Variants in CUBN observed in about 807,000 individuals in gnomAD.
CUBN encodes the protein 460 kDa receptor.
In CUBN, 282 loss-of-function variants were observed where a neutral mutation model predicts 405.3. The observed-to-expected ratio is 0.70, with a 90% CI of 0.63 to 0.77. The LOEUF is 0.77. Ranked by LOEUF, CUBN falls within the 30% of genes least tolerant of loss-of-function variation. CUBN has a pLI of 0.00. For synonymous variants in CUBN, 1,684 were observed against 1,617.0 expected (o/e 1.04, Z -0.99); for missense variants, 4,514 against 4,475.2 (o/e 1.01, Z -0.25).
chr10:16,918,174 A>G (rs1481382451), intron 45 of CUBN, among the ~76,000 whole-genome samples: 1 of 152,146 alleles, frequency 6.6e-6, no homozygotes. Context: ...TACCAGTACC[A>G]TGCTGTTTTG....
intron 22 of CUBN, among the ~76,000 whole-genome samples, chr10:17,048,529 G>A (rs1236059881): frequency 1.3e-5 from 2 of 152,088 alleles, no homozygotes; most frequent in East Asian, 3.9e-4. Context: ...CAAGGCTGGA[G>A]TGGAGTGGCG....
In CUBN at chr10:17,100,240, C is replaced by A; in HGVS notation, c.1531-1G>T. 2 of 1,582,904 alleles carry A rather than the reference C, an allele frequency of 1.3e-6. No homozygotes were observed. Among genetic ancestry groups the A allele is most frequent in the South Asian group, 1.1e-5 (1 of 90,360 alleles). ...AAAAAGTGAAAGTGATACGCAGGAC[C>A]TAAAAATACAAAGGCCACATATATT... On this transcript the variant is annotated splice_acceptor_variant, in intron 13 of 66. Coordinates refer to ENST00000377833, the MANE Select transcript of CUBN (RefSeq NM_001081.4). LOFTEE classifies it high-confidence loss of function.
chr10:16,892,943 C>G (rs1456941175), intron 54 of CUBN, among the ~76,000 whole-genome samples: 1 of 152,160 alleles, frequency 6.6e-6, no homozygotes, highest in Non-Finnish European at 1.5e-5. Flanking sequence ...TTCGACAACT[C>G]TACCTTTTGG....
chr10:16,933,297 A>G lies in CUBN; in HGVS notation c.5927-13T>C, dbSNP rs1842414858. The G allele has an allele frequency of 6.2e-7, 1 of 1,612,364 alleles. No individual in the cohort carries two copies. The highest frequency in any genetic ancestry group is 1.7e-5 in the Admixed American group (1 of 60,002). On this transcript the variant is annotated splice_polypyrimidine_tract_variant and intron_variant, in intron 39 of 66. Coordinates refer to ENST00000377833, the MANE Select transcript of CUBN (RefSeq NM_001081.4). Reference sequence around the variant, plus strand: ...CCACCACAAGCACCTGTAGAATAGAAAGCAACATCTTTGACACAGCCCTAA... The same window carrying G: ...CCACCACAAGCACCTGTAGAATAGAGAGCAACATCTTTGACACAGCCCTAA...
At chr10:16,866,075 T>G (rs1840174695) in intron 59 of CUBN, among the ~76,000 whole-genome samples, 1 of 152,144 alleles carries the variant, frequency 6.6e-6, no homozygotes, top group Non-Finnish European at 1.5e-5. Flanking sequence ...CAGTCTCTCC[T>G]TGGCAACTCA....
chr10:16,983,293 T>C (rs186886579), intron 30 of CUBN, among the ~76,000 whole-genome samples: 9 of 152,278 alleles, frequency 5.9e-5, no homozygotes, highest in Admixed American at 2.6e-4. Flanking sequence ...TGTGTGTTTA[T>C]TTAAATTCCT....
At chr10:16,873,984 C>T (rs753254043) in intron 58 of CUBN, among the ~76,000 whole-genome samples, 19 of 152,112 alleles carry the variant, frequency 1.2e-4, no homozygotes, top group Admixed American at 2.6e-4. Flanking sequence ...GAGACAATTA[C>T]GGCACGTGTG....
chr10:17,024,845 C>G (rs986568206), intron 27 of CUBN, among the ~76,000 whole-genome samples: 1 of 152,172 alleles, frequency 6.6e-6, no homozygotes, highest in Non-Finnish European at 1.5e-5. Flanking sequence ...ACAATTAAAA[C>G]TCAGCCCTTT....
chr10:16,913,762 A>G (rs1405557317), intron 48 of CUBN, 49 bp downstream of exon 48: 1 of 1,607,584 alleles, frequency 6.2e-7, no homozygotes. Context: ...GGGTCGGTAA[A>G]CTCTTTAAAT....
chr10:16,855,034 C>G (rs1341711897), intron 59 of CUBN, among the ~76,000 whole-genome samples: 2 of 136,080 alleles, frequency 1.5e-5, no homozygotes, highest in African/African-American at 2.8e-5. Flanking sequence ...CTCTCTTTCT[C>G]TCTATCTCTC....
At chr10:16,874,224 G>A in intron 58 of CUBN, 150 bp downstream of exon 58, 1 of 854,840 alleles carries the variant, frequency 1.2e-6, no homozygotes, top group South Asian at 1.5e-5. Context: ...CATTTCCCAG[G>A]TTGAACTGTC....
chr10:17,084,587 C>G, intron 16 of CUBN, 126 bp from the exon 17 acceptor site: 2 of 797,698 alleles, frequency 2.5e-6, no homozygotes, highest in African/African-American at 1.7e-5. Flanking sequence ...TTTTATTCAC[C>G]CTCTATAGGC....
intron 38 of CUBN, 35 bp downstream of exon 38, chr10:16,938,928 A>G (rs996764248): frequency 6.4e-7 from 1 of 1,562,000 alleles, no homozygotes; most frequent in Non-Finnish European, 8.8e-7. Context: ...CAATTCACCA[A>G]TATTTATGAA....
chr10:17,111,777 A>G (rs1407436663), intron 8 of CUBN, among the ~76,000 whole-genome samples: 1 of 152,208 alleles, frequency 6.6e-6, no homozygotes, highest in Non-Finnish European at 1.5e-5. Context: ...TACAAAAATC[A>G]GCTGGATGTG....
intron 7 of CUBN, among the ~76,000 whole-genome samples, chr10:17,114,739 G>T (rs1289397404): frequency 6.6e-6 from 1 of 152,166 alleles, no homozygotes; most frequent in Non-Finnish European, 1.5e-5. Context: ...TCATCAGGAC[G>T]CAGGGCATGG....
At chr10:17,105,764 A>C (rs1373854157) in intron 10 of CUBN, among the ~76,000 whole-genome samples, 189 bp from the exon 11 acceptor site, 1 of 152,218 alleles carries the variant, frequency 6.6e-6, no homozygotes, top group African/African-American at 2.4e-5. Flanking sequence ...TTATCTTAAA[A>C]TAAGAAAGCC....
intron 2 of CUBN, among the ~76,000 whole-genome samples, chr10:17,128,557 C>T (rs1008503774): frequency 5.3e-5 from 8 of 152,306 alleles, no homozygotes; most frequent in South Asian, 2.1e-4. Context: ...CCCCTACTTC[C>T]TCGCATCCCC....
chr10:16,939,206 G>T (rs938625295), intron 37 of CUBN, 59 bp from the exon 38 acceptor site: 2 of 1,380,760 alleles, frequency 1.4e-6, no homozygotes, highest in African/African-American at 1.4e-5. Context: ...TTAATCAAAT[G>T]AAAAAAACAA....
chr10:17,071,331 A>G (rs1373948767), intron 19 of CUBN, 95 bp downstream of exon 19: 1 of 1,310,994 alleles, frequency 7.6e-7, no homozygotes, highest in Admixed American at 1.9e-5. Context: ...TACATAAACT[A>G]CTTTCATTTC....
Sources: allele counts gnomAD v4.1 joint callset (sites outside exome capture counted in the v4.1 genomes callset), GRCh38; gene constraint gnomAD v4.1.1; transcripts MANE v1.5; gene names NCBI Gene and HGNC (gene_info 2026-07-23, HGNC 2026-07-21).